The following GABRB2 variants were observed in gnomAD, a reference collection of about 807,000 sequenced individuals.
The protein encoded by GABRB2 is gamma-aminobutyric acid type A receptor subunit beta2.
In GABRB2, 16 loss-of-function variants were observed where a neutral mutation model predicts 54.7. That is an observed-to-expected ratio of 0.29 (90% CI 0.20 to 0.44). The LOEUF (loss-of-function observed/expected upper bound fraction) is 0.44, where lower values mean the gene tolerates loss of function less well. Among genes scored for constraint, GABRB2 ranks in the 20% least tolerant of loss-of-function variants. The probability of loss-of-function intolerance (pLI) is 1.00; values close to 1 mark genes in which losing one functional copy is unlikely to be tolerated. For missense variants in GABRB2, 355 were observed against 644.0 expected (o/e 0.55, Z 4.86); for synonymous variants, 244 against 233.8 (o/e 1.04, Z -0.40).
chr5:161,408,742 A>G (rs1756419651), intron 5 of GABRB2, among the ~76,000 whole-genome samples: 1 of 151,982 alleles, frequency 6.6e-6, no homozygotes, highest in Admixed American at 6.6e-5. Flanking sequence ...AGGAAGGAGA[A>G]GGACAGAGAG....
chr5:161,483,319 C>G (rs1251879433), intron 3 of GABRB2, among the ~76,000 whole-genome samples: 6 of 151,970 alleles, frequency 3.9e-5, no homozygotes, highest in Non-Finnish European at 8.8e-5. Flanking sequence ...CAAGACTTCT[C>G]TATGTTTGCT....
chr5:161,518,784 C>T (rs956036515), intron 3 of GABRB2, among the ~76,000 whole-genome samples: 1 of 152,074 alleles, frequency 6.6e-6, no homozygotes, highest in African/African-American at 2.4e-5. Flanking sequence ...AAAGCATGCT[C>T]ATTATTTTCA....
intron 5 of GABRB2, among the ~76,000 whole-genome samples, chr5:161,401,203 G>A (rs138130252): frequency 6.6e-6 from 1 of 152,298 alleles, no homozygotes; most frequent in East Asian, 1.9e-4. Flanking sequence ...TTGAGGGAAT[G>A]AACCCAGAAG....
chr5:161,502,958 G>T (rs1179342601), intron 3 of GABRB2, among the ~76,000 whole-genome samples: 1 of 152,150 alleles, frequency 6.6e-6, no homozygotes, highest in Non-Finnish European at 1.5e-5. Context: ...AGATGTGTGA[G>T]CTGACTGGGA....
At chr5:161,507,988 C>A (rs937253995) in intron 3 of GABRB2, among the ~76,000 whole-genome samples, 5 of 151,778 alleles carry the variant, frequency 3.3e-5, no homozygotes, top group Non-Finnish European at 5.9e-5. Flanking sequence ...ACCCAGTAAT[C>A]CCACTTGTAG....
chr5:161,503,431 A>G (rs939122553), intron 3 of GABRB2, among the ~76,000 whole-genome samples: 9 of 152,174 alleles, frequency 5.9e-5, no homozygotes, highest in African/African-American at 2.2e-4. Flanking sequence ...TAAACTTCCA[A>G]ATAGATAATT....
chr5:161,487,188 C>T lies in GABRB2; in HGVS notation c.238-27344G>A, dbSNP rs894269051. Among the ~76,000 whole-genome samples the T allele has an allele frequency of 1.1e-4, 17 of 151,850 alleles. 1 individual carries two copies. The highest frequency in any genetic ancestry group is 3.9e-4 in the African/African-American group (16 of 41,384). On this transcript the variant is annotated intron_variant, in intron 3 of 9. Transcript: ENST00000393959. ...ATCTTTTGTTCCTTGCTCTTTTGTG[C>T]GGTGACAAGCCAATCAGGAAAATCA...
intron 3 of GABRB2, among the ~76,000 whole-genome samples, chr5:161,496,322 T>C (rs1759244435): frequency 6.6e-6 from 1 of 152,130 alleles, no homozygotes; most frequent in South Asian, 2.1e-4. Context: ...TAGCTACACA[T>C]TATTTTGATT....
intron 3 of GABRB2, among the ~76,000 whole-genome samples, chr5:161,537,650 A>C (rs1054065244): frequency 1.3e-5 from 2 of 152,152 alleles, no homozygotes; most frequent in African/African-American, 4.8e-5. Context: ...TCATCTTCCA[A>C]CGTTAAATTT....
chr5:161,382,447 C>T (rs924256754), intron 5 of GABRB2, among the ~76,000 whole-genome samples: 1 of 152,072 alleles, frequency 6.6e-6, no homozygotes, highest in African/African-American at 2.4e-5. Context: ...TTCTACAGTC[C>T]TTTATCTGGA....
intron 3 of GABRB2, among the ~76,000 whole-genome samples, chr5:161,478,961 T>C (rs1758674272): frequency 6.6e-6 from 1 of 152,032 alleles, no homozygotes; most frequent in East Asian, 1.9e-4. Context: ...CTGACAGTAG[T>C]AAAAAGAAAG....
At chr5:161,465,527 T>G (rs1219895225) in intron 3 of GABRB2, among the ~76,000 whole-genome samples, 1 of 152,168 alleles carries the variant, frequency 6.6e-6, no homozygotes, top group Non-Finnish European at 1.5e-5. Context: ...TTGTTTTTGC[T>G]TTTATTGTCT....
intron 4 of GABRB2, among the ~76,000 whole-genome samples, chr5:161,453,987 G>A (rs1241283530): frequency 6.7e-6 from 1 of 149,608 alleles, no homozygotes; most frequent in Admixed American, 6.7e-5. Flanking sequence ...GCAGTGAGCC[G>A]AGATTGCACT....
At chr5:161,418,803 A>G (rs1756758944) in intron 4 of GABRB2, among the ~76,000 whole-genome samples, 1 of 152,190 alleles carries the variant, frequency 6.6e-6, no homozygotes, top group African/African-American at 2.4e-5. Flanking sequence ...AAAAAAAATA[A>G]CATCATTAAA....
chr5:161,487,947 G>GGGA lies in GABRB2; in HGVS notation c.238-28104_238-28103insTCC, dbSNP rs550424964. 1.7e-3 allele frequency among the ~76,000 whole-genome samples: 264 copies of GGGA among 151,980 alleles called. 1 individual carries two copies. The highest frequency in any genetic ancestry group is 6.1e-3 in the African/African-American group (252 of 41,524). Reference sequence around the variant, plus strand: ...CTATTGACTGATCCCAGATGATCCAGTGTCATAGGCTAAACATCCCTTAAG... The same window carrying GGGA: ...CTATTGACTGATCCCAGATGATCCAGGGATGTCATAGGCTAAACATCCCTTAAG... On this transcript the variant is annotated intron_variant, in intron 3 of 9. Coordinates refer to ENST00000393959, the MANE Select transcript of GABRB2 (RefSeq NM_001371727.1).
intron 3 of GABRB2, among the ~76,000 whole-genome samples, chr5:161,492,594 T>C (rs1387807936): frequency 6.6e-6 from 1 of 150,748 alleles, no homozygotes; most frequent in Non-Finnish European, 1.5e-5. Context: ...GTGTGCTTTT[T>C]ACCCACACTA....
intron 5 of GABRB2, among the ~76,000 whole-genome samples, chr5:161,350,788 A>C (rs368727259): frequency 6.6e-6 from 1 of 152,076 alleles, no homozygotes; most frequent in African/African-American, 2.4e-5. Flanking sequence ...TCTGGTCTCC[A>C]TCTTTCTCCC....
chr5:161,348,158 A>G (rs1754373415), intron 5 of GABRB2, among the ~76,000 whole-genome samples: 1 of 152,090 alleles, frequency 6.6e-6, no homozygotes, highest in African/African-American at 2.4e-5. Flanking sequence ...TTATACTGCA[A>G]CATTATTAAG....
chr5:161,448,160 T>G (rs1469383695), intron 4 of GABRB2, among the ~76,000 whole-genome samples: 1 of 152,138 alleles, frequency 6.6e-6, no homozygotes, highest in Non-Finnish European at 1.5e-5. Context: ...TAGTCGCTCA[T>G]GCCTGTAATC....
Sources: allele counts gnomAD v4.1 joint callset (sites outside exome capture counted in the v4.1 genomes callset), GRCh38; gene constraint gnomAD v4.1.1; transcripts MANE v1.5; gene names NCBI Gene and HGNC (gene_info 2026-07-23, HGNC 2026-07-21).